The following EIF4EBP1 variants were observed in gnomAD, a reference collection of about 807,000 sequenced individuals.
EIF4EBP1 encodes the protein eukaryotic translation initiation factor 4E-binding protein 1.
EIF4EBP1 carries 5 observed loss-of-function variants against 9.2 expected under a neutral mutation model. The ratio of observed to expected loss-of-function variants is 0.54; its 90% CI spans 0.28 to 1.14. The LOEUF (loss-of-function observed/expected upper bound fraction) is 1.14, where lower values mean the gene tolerates loss of function less well. Among genes scored for constraint, EIF4EBP1 ranks in the 50% most tolerant of loss-of-function variants. The probability of loss-of-function intolerance (pLI) is 0.09; values close to 1 mark genes in which losing one functional copy is unlikely to be tolerated. For synonymous variants in EIF4EBP1, 62 were observed against 67.0 expected (o/e 0.93, Z 0.36); for missense variants, 139 against 169.6 (o/e 0.82, Z 1.00).
At chr8:38,058,161 CTG>C (rs758637479) in intron 2 of EIF4EBP1, among the ~76,000 whole-genome samples, 12 of 152,156 alleles carry the variant, frequency 7.9e-5, no homozygotes, top group Non-Finnish European at 1.3e-4. Flanking sequence ...GTGTCTTAGT[CTG>C]TTTTTTTATG....
chr8:38,037,652 G>A (rs1030971357), intron 1 of EIF4EBP1, among the ~76,000 whole-genome samples: 1 of 152,026 alleles, frequency 6.6e-6, no homozygotes, highest in South Asian at 2.1e-4. Flanking sequence ...CTGAGTCTCC[G>A]CTGGCTTAAT....
rs374408217 is a variant in EIF4EBP1 at position 38,038,918 on chromosome 8, T to C, written c.145+8200T>C. Among the ~76,000 whole-genome samples, 554 of 150,592 alleles carry C rather than the reference T, an allele frequency of 3.7e-3. 3 individuals are homozygous for C. Among genetic ancestry groups the C allele is most frequent in the African/African-American group, 0.013 (527 of 41,120 alleles). ...AAAACATTATGAAATTTCTTTCTTT[T>C]TTTTTTTTTTTTAAGCTCAGCTGGA... On this transcript the variant is annotated intron_variant, in intron 1 of 2. Coordinates refer to ENST00000338825, the MANE Select transcript of EIF4EBP1 (RefSeq NM_004095.4).
chr8:38,057,680 A>T (rs1481174050), intron 2 of EIF4EBP1, among the ~76,000 whole-genome samples: 2 of 152,214 alleles, frequency 1.3e-5, no homozygotes, highest in Non-Finnish European at 2.9e-5. Context: ...TTGGGAAATT[A>T]TATGTCTACA....
At chr8:38,056,452 G>A (rs963694650) in intron 1 of EIF4EBP1, among the ~76,000 whole-genome samples, 2 of 152,322 alleles carry the variant, frequency 1.3e-5, no homozygotes, top group Admixed American at 6.5e-5. Flanking sequence ...ATTGTCATGG[G>A]TAATTAACAC....
intron 1 of EIF4EBP1, among the ~76,000 whole-genome samples, chr8:38,034,355 T>C (rs1001794374): frequency 9.2e-5 from 14 of 152,192 alleles, no homozygotes; most frequent in African/African-American, 3.1e-4. Flanking sequence ...GCCTCCAGTT[T>C]GCTTTCCATG....
Position 38,030,847 on chromosome 8 carries a change from GA to G in EIF4EBP1, c.145+130del. 3 of 1,309,270 alleles carry G rather than the reference GA, an allele frequency of 2.3e-6. No homozygotes were observed. In the South Asian group the frequency reaches 5.4e-5, roughly 23 times the overall value. 81.1% of individuals were successfully genotyped at this position (1,309,270 alleles called of 1,614,324 possible). A position where few individuals can be genotyped will look rare whatever the true frequency, so the allele number is the denominator to read the frequency against. ...GAAAGAACGGAAAAGGGGCATCGGA[GA>G]GACAGCGAGGGTCATGGAAGTGGCC... On this transcript the variant is annotated intron_variant, in intron 1 of 2. Transcript: ENST00000338825.
intron 1 of EIF4EBP1, among the ~76,000 whole-genome samples, chr8:38,053,968 G>A (rs1210808341): frequency 6.6e-6 from 1 of 152,140 alleles, no homozygotes; most frequent in African/African-American, 2.4e-5. Context: ...ATGATTGGCG[G>A]TGATGGTAGC....
chr8:38,030,815 G>A, intron 1 of EIF4EBP1, 97 bp downstream of exon 1: 1 of 1,358,340 alleles, frequency 7.4e-7, no homozygotes, highest in Non-Finnish European at 9.4e-7. Context: ...CAAGGGCGCC[G>A]TGATTGGAAA....
At chr8:38,055,407 T>C (rs1054228184) in intron 1 of EIF4EBP1, among the ~76,000 whole-genome samples, 10 of 152,246 alleles carry the variant, frequency 6.6e-5, no homozygotes, top group African/African-American at 2.4e-4. Flanking sequence ...AGCCCCTAAG[T>C]GAAGGAGAGA....
At chr8:38,053,268 T>G (rs1809550369) in intron 1 of EIF4EBP1, among the ~76,000 whole-genome samples, 1 of 151,988 alleles carries the variant, frequency 6.6e-6, no homozygotes. Flanking sequence ...TCTGCCTGCC[T>G]CTGCCTCCCA....
intron 1 of EIF4EBP1, among the ~76,000 whole-genome samples, chr8:38,055,778 C>T (rs990278795): frequency 1.3e-5 from 2 of 151,970 alleles, no homozygotes. Flanking sequence ...AGGCAGATCA[C>T]GAGGTCAAGA....
At chr8:38,039,390 G>C (rs1809346970) in intron 1 of EIF4EBP1, among the ~76,000 whole-genome samples, 1 of 149,884 alleles carries the variant, frequency 6.7e-6, no homozygotes, top group South Asian at 2.1e-4. Context: ...AGTAGGTTAG[G>C]TGTACTAAAT....
At chr8:38,051,283 G>A (rs1022702446) in intron 1 of EIF4EBP1, among the ~76,000 whole-genome samples, 1 of 152,124 alleles carries the variant, frequency 6.6e-6, no homozygotes, top group Non-Finnish European at 1.5e-5. Flanking sequence ...CCATGAGATC[G>A]TTGACCGCTC....
chr8:38,051,661 C>T (rs757999089), intron 1 of EIF4EBP1, among the ~76,000 whole-genome samples: 5 of 152,014 alleles, frequency 3.3e-5, no homozygotes, highest in South Asian at 4.1e-4. Flanking sequence ...TGCAGTGGCA[C>T]GATCTCGGCT....
intron 1 of EIF4EBP1, among the ~76,000 whole-genome samples, chr8:38,054,595 C>T (rs1314612090): frequency 2.0e-5 from 3 of 152,192 alleles, no homozygotes; most frequent in Non-Finnish European, 2.9e-5. Flanking sequence ...GTCCCCACCC[C>T]GCTGCCTGGA....
chr8:38,059,304 A>C (rs1809637175), intron 2 of EIF4EBP1, among the ~76,000 whole-genome samples: 1 of 151,500 alleles, frequency 6.6e-6, no homozygotes. Flanking sequence ...TGGGAGCGCC[A>C]CTCCACCCTC....
At chr8:38,044,401 G>C (rs936882808) in intron 1 of EIF4EBP1, among the ~76,000 whole-genome samples, 1 of 152,120 alleles carries the variant, frequency 6.6e-6, no homozygotes, top group Non-Finnish European at 1.5e-5. Context: ...CCAGCTGAGA[G>C]TGTTAGCTAA....
intron 1 of EIF4EBP1, among the ~76,000 whole-genome samples, chr8:38,038,873 A>G (rs973575487): frequency 6.6e-6 from 1 of 151,384 alleles, no homozygotes; most frequent in Admixed American, 6.6e-5. Context: ...GAGGCCCAAT[A>G]CAAGTCCGTA....
intron 2 of EIF4EBP1, among the ~76,000 whole-genome samples, chr8:38,057,593 AG>A (rs368284908): frequency 5.3e-4 from 80 of 152,356 alleles, no homozygotes; most frequent in African/African-American, 1.8e-3. Flanking sequence ...TTGTCTCTGA[AG>A]CATTTCCACT....
Sources: gnomAD v4.1 joint callset for allele counts (sites outside exome capture counted in the v4.1 genomes callset) on GRCh38, gnomAD v4.1.1 for gene constraint, MANE v1.5 for transcripts, NCBI Gene and HGNC (gene_info 2026-07-23, HGNC 2026-07-21) for gene names.